The following INPP4B variants were observed in gnomAD, a reference collection of about 807,000 sequenced individuals.
INPP4B encodes inositol polyphosphate 4-phosphatase type II.
In INPP4B, 55 loss-of-function variants were observed where a neutral mutation model predicts 122.5. The observed-to-expected ratio is 0.45, with a 90% CI of 0.36 to 0.56. The LOEUF (loss-of-function observed/expected upper bound fraction) is 0.56, where lower values mean the gene tolerates loss of function less well. Ranked by LOEUF, INPP4B falls within the 20% of genes least tolerant of loss-of-function variation. The probability of loss-of-function intolerance (pLI) is 0.00; values close to 1 mark genes in which losing one functional copy is unlikely to be tolerated. For synonymous variants in INPP4B, 403 were observed against 388.7 expected, an observed-to-expected ratio of 1.04 and a Z score of -0.43; for missense variants, 1,000 against 1,097.7, an observed-to-expected ratio of 0.91 and a Z score of 1.26.
intron 1 of INPP4B, among the ~76,000 whole-genome samples, chr4:142,768,531 A>G (rs1371713340): frequency 1.3e-5 from 2 of 152,212 alleles, no homozygotes; most frequent in Non-Finnish European, 2.9e-5. Context: ...GACTGAAATC[A>G]GAGTTAAGTC....
chr4:142,345,302 A>G (rs1380194014), intron 7 of INPP4B, among the ~76,000 whole-genome samples: 1 of 152,062 alleles, frequency 6.6e-6, no homozygotes, highest in African/African-American at 2.4e-5. Context: ...ACAGATTTCT[A>G]GAAAGAGAAG....
At chr4:142,593,335 T>C (rs1737954442) in intron 2 of INPP4B, among the ~76,000 whole-genome samples, 1 of 152,084 alleles carries the variant, frequency 6.6e-6, no homozygotes. Context: ...CCCTGCAAGT[T>C]TCCTCACTCA....
At chr4:142,490,644 T>C (rs1580196987) in intron 2 of INPP4B, among the ~76,000 whole-genome samples, 1 of 152,272 alleles carries the variant, frequency 6.6e-6, no homozygotes, top group East Asian at 1.9e-4. Flanking sequence ...AATACACCTC[T>C]TGAATTTATT....
chr4:142,172,715 A>C (rs1328857941), intron 16 of INPP4B, among the ~76,000 whole-genome samples: 1 of 152,084 alleles, frequency 6.6e-6, no homozygotes, highest in African/African-American at 2.4e-5. Flanking sequence ...CTGAATAAAA[A>C]GTATGGACAT....
intron 3 of INPP4B, among the ~76,000 whole-genome samples, chr4:142,431,663 T>C (rs1809331950): frequency 1.3e-5 from 2 of 152,156 alleles, no homozygotes. Flanking sequence ...TGGATAGCTA[T>C]AGGGGCTGCT....
At chr4:142,417,036 G>A (rs1416494125) in intron 5 of INPP4B, among the ~76,000 whole-genome samples, 3 of 152,088 alleles carry the variant, frequency 2.0e-5, no homozygotes, top group Admixed American at 6.6e-5. Context: ...AGACAACTTC[G>A]TGGGAAAGAG....
At chr4:142,055,381 G>A (rs778688811) in intron 25 of INPP4B, among the ~76,000 whole-genome samples, 4 of 152,014 alleles carry the variant, frequency 2.6e-5, no homozygotes, top group East Asian at 1.9e-4. Context: ...TCAAACTTAC[G>A]CAGAATAAGC....
intron 17 of INPP4B, among the ~76,000 whole-genome samples, chr4:142,158,906 C>T (rs1255631253): frequency 6.6e-6 from 1 of 151,910 alleles, no homozygotes; most frequent in Admixed American, 6.6e-5. Context: ...GTCAAAAGGT[C>T]AACACTGGAT....
chr4:142,663,828 T>C (rs1755605939), intron 2 of INPP4B, among the ~76,000 whole-genome samples: 1 of 152,068 alleles, frequency 6.6e-6, no homozygotes. Context: ...GAAAAATCTT[T>C]CAGTAAGTGG....
chr4:142,653,401 C>T (rs1008318674), intron 2 of INPP4B, among the ~76,000 whole-genome samples: 4 of 152,146 alleles, frequency 2.6e-5, no homozygotes, highest in African/African-American at 9.7e-5. Context: ...AGAGCTTCTG[C>T]ACGGCAAAAT....
chr4:142,802,140 C>T lies in INPP4B; in HGVS notation c.-254+44069G>A, dbSNP rs535438277. On this transcript the variant is annotated intron_variant, in intron 1 of 25. Transcript: ENST00000262992. Reference sequence around the variant, plus strand: ...TTGAGGCAGATACTTGAAAGCCTACCCAGAAGACATTTCACACTCCACCAC... The same window carrying T: ...TTGAGGCAGATACTTGAAAGCCTACTCAGAAGACATTTCACACTCCACCAC... 1.2e-4 allele frequency among the ~76,000 whole-genome samples: 19 copies of T among 152,132 alleles called. 1 individual carries two copies. In the South Asian group the frequency reaches 3.7e-3, roughly 30 times the overall value.
intron 2 of INPP4B, among the ~76,000 whole-genome samples, chr4:142,710,564 C>T (rs994079456): frequency 1.3e-5 from 2 of 152,062 alleles, no homozygotes; most frequent in East Asian, 1.9e-4. Flanking sequence ...GAGTGTACTG[C>T]ACATATAAAA....
chr4:142,155,863 T>G (rs922193058), intron 17 of INPP4B, among the ~76,000 whole-genome samples: 8 of 151,650 alleles, frequency 5.3e-5, no homozygotes, highest in Non-Finnish European at 8.8e-5. Flanking sequence ...ATGGAGTCTA[T>G]TAATAGGATG....
rs183630520 is a variant in INPP4B at position 142,466,592 on chromosome 4, G to A, written c.-190-3866C>T. Reference sequence around the variant, plus strand: ...ACCATGTGGCAGAGGGGAAGAAAAAGCATTTTTGAGAAAATGTATTGAAGC... The same window carrying A: ...ACCATGTGGCAGAGGGGAAGAAAAAACATTTTTGAGAAAATGTATTGAAGC... On this transcript the variant is annotated intron_variant, in intron 2 of 25. Transcript: ENST00000262992. 9.8e-5 allele frequency among the ~76,000 whole-genome samples: 15 copies of A among 152,294 alleles called. No homozygotes were observed. In the East Asian group the frequency reaches 2.3e-3, roughly 24 times the overall value.
At chr4:142,834,633 G>T (rs1053051984) in intron 1 of INPP4B, among the ~76,000 whole-genome samples, 1 of 152,120 alleles carries the variant, frequency 6.6e-6, no homozygotes, top group African/African-American at 2.4e-5. Context: ...AGACCAATGT[G>T]TTGGAAACAG....
At chr4:142,566,990 G>T (rs1398142614) in intron 2 of INPP4B, among the ~76,000 whole-genome samples, 3 of 152,172 alleles carry the variant, frequency 2.0e-5, no homozygotes, top group African/African-American at 7.2e-5. Context: ...GACTGTCAGA[G>T]CCTGGTCCAT....
intron 2 of INPP4B, among the ~76,000 whole-genome samples, chr4:142,527,798 T>A (rs1827122320): frequency 6.6e-6 from 1 of 152,026 alleles, no homozygotes; most frequent in African/African-American, 2.4e-5. Context: ...TCAAGGCAAT[T>A]CTTACTACAT....
chr4:142,518,383 C>T (rs1340776655), intron 2 of INPP4B, among the ~76,000 whole-genome samples: 1 of 152,082 alleles, frequency 6.6e-6, no homozygotes. Flanking sequence ...TGACACTTCA[C>T]CTAGCAGAAA....
intron 2 of INPP4B, among the ~76,000 whole-genome samples, chr4:142,478,326 G>C (rs1247459053): frequency 2.0e-5 from 3 of 152,110 alleles, no homozygotes; most frequent in Non-Finnish European, 2.9e-5. Context: ...TGAGTGATGA[G>C]AGCGGGAATC....
Sources: gnomAD v4.1 joint callset for allele counts (sites outside exome capture counted in the v4.1 genomes callset) on GRCh38, gnomAD v4.1.1 for gene constraint, MANE v1.5 for transcripts, NCBI Gene and HGNC (gene_info 2026-07-23, HGNC 2026-07-21) for gene names.